Variants in VCPIP1 observed in about 807,000 individuals in gnomAD.
VCPIP1 encodes deubiquitinating protein VCPIP1.
In VCPIP1, 8 loss-of-function variants were observed where a neutral mutation model predicts 85.0. That is an observed-to-expected ratio of 0.09 (90% CI 0.06 to 0.17). The LOEUF (loss-of-function observed/expected upper bound fraction) is 0.17. Among genes scored for constraint, VCPIP1 ranks in the 10% least tolerant of loss-of-function variants. VCPIP1 has a pLI of 1.00. For missense variants in VCPIP1, 1,070 were observed against 1,486.3 expected (o/e 0.72, Z 4.61); for synonymous variants, 543 against 544.5 (o/e 1.00, Z 0.04).
In VCPIP1 at chr8:66,630,254, T is replaced by TA. The variant is rs1810821490; in HGVS notation, c.*4246dup. ...AAATAATGGGCAACAGCCAGTGCCT[T>TA]AAGGGTGAAATAACATCTATACTAT... On this transcript the variant is annotated 3_prime_UTR_variant, in exon 3 of 3. Transcript: ENST00000310421. 6.6e-6 allele frequency: 1 copy of TA among 152,226 alleles called. No homozygotes were observed. Among genetic ancestry groups the TA allele is most frequent in the South Asian group, 2.1e-4 (1 of 4,832 alleles). The allele number at this position is 152,226 out of a possible 1,614,324, so 9.4% of individuals were successfully genotyped here.
intron 2 of VCPIP1, among the ~76,000 whole-genome samples, chr8:66,640,428 A>G (rs1810935357): frequency 6.6e-6 from 1 of 152,242 alleles, no homozygotes; most frequent in Non-Finnish European, 1.5e-5. Flanking sequence ...TTGATCTCAA[A>G]TGTTCTGACT....
chr8:66,656,549 G>A (rs894919385), intron 1 of VCPIP1, among the ~76,000 whole-genome samples: 2 of 152,052 alleles, frequency 1.3e-5, no homozygotes, highest in African/African-American at 4.8e-5. Context: ...CAATTTATGA[G>A]GCAAAGCAGT....
intron 2 of VCPIP1, 132 bp downstream of exon 2, chr8:66,651,326 G>C (rs965281362): frequency 4.6e-6 from 3 of 645,988 alleles, no homozygotes; most frequent in Middle Eastern, 8.6e-4. Flanking sequence ...TTTTAATTAG[G>C]CAAACTGCTA....
rs967491606 is a variant in VCPIP1 at position 66,667,141 on chromosome 8, T to G, written c.-183A>C. The G allele has an allele frequency of 1.5e-6, 2 of 1,317,220 alleles. No homozygotes were observed. Among genetic ancestry groups the G allele is most frequent in the Non-Finnish European group, 9.9e-7 (1 of 1,008,266 alleles). 81.6% of individuals were successfully genotyped at this position (1,317,220 alleles called of 1,614,324 possible). On this transcript the variant is annotated 5_prime_UTR_variant, in exon 1 of 3. Coordinates refer to ENST00000310421, the MANE Select transcript of VCPIP1 (RefSeq NM_025054.5). ...CGGACGTTGTTTCTCTTCTTACTTCTCCACTGCCGTAGCCGTTGCCCCGAA... is the reference window on the plus strand; with the variant it reads ...CGGACGTTGTTTCTCTTCTTACTTCGCCACTGCCGTAGCCGTTGCCCCGAA...
chr8:66,657,943 C>G (rs1319632792), intron 1 of VCPIP1, among the ~76,000 whole-genome samples: 1 of 152,042 alleles, frequency 6.6e-6, no homozygotes, highest in African/African-American at 2.4e-5. Flanking sequence ...TCTTAAGATA[C>G]ACCTATGCAT....
chr8:66,644,274 C>G (rs931830939), intron 2 of VCPIP1, among the ~76,000 whole-genome samples: 1 of 152,142 alleles, frequency 6.6e-6, no homozygotes, highest in Non-Finnish European at 1.5e-5. Context: ...CCTGATTAAA[C>G]AGTCATTACA....
rs757706186 is a variant in VCPIP1, at chr8:66,666,436, C to T, written c.523G>A (p.Val175Ile). 3.7e-6 allele frequency: 6 copies of T among 1,614,188 alleles called. No individual in the cohort carries two copies. The highest frequency in any genetic ancestry group is 5.1e-6 in the Non-Finnish European group (6 of 1,180,040). ...DRAFLIEPEH[V>I]NTVGYGKDRS... Reference sequence around the variant, plus strand: ...TCCTTGCCATAGCCCACAGTGTTAACATGCTCTGGTTCTATGAGGAAGGCG... The same window carrying T: ...TCCTTGCCATAGCCCACAGTGTTAATATGCTCTGGTTCTATGAGGAAGGCG... Residue 175 changes from valine to isoleucine, a missense_variant, in exon 1 of 3, where the codon GTT becomes ATT. Coordinates refer to ENST00000310421, the MANE Select transcript of VCPIP1 (RefSeq NM_025054.5). This position sits in a 1 kb window ranked among gnomAD's most constrained non-coding sequence, Gnocchi z 6.3.
intron 2 of VCPIP1, among the ~76,000 whole-genome samples, chr8:66,638,936 T>TC (rs1810917149): frequency 7.6e-6 from 1 of 131,628 alleles, no homozygotes; most frequent in African/African-American, 3.2e-5. Flanking sequence ...CAAGAAAACT[T>TC]TCTCTCTCTC....
chr8:66,632,569 A>G lies in VCPIP1; in HGVS notation c.*1932T>C, dbSNP rs1464813002. On this transcript the variant is annotated 3_prime_UTR_variant, in exon 3 of 3. Coordinates refer to ENST00000310421, the MANE Select transcript of VCPIP1 (RefSeq NM_025054.5). ...TCTGGTATTTTATGTTAATGCTATG[A>G]GATATCTGTCAGTTATCAATGAAGA... 1 of 152,152 alleles carries G rather than the reference A, an allele frequency of 6.6e-6. No individual in the cohort carries two copies. Among genetic ancestry groups the G allele is most frequent in the Admixed American group, 6.5e-5 (1 of 15,282 alleles). The allele number at this position is 152,152 out of a possible 1,614,324, so 9.4% of individuals were successfully genotyped here.
Position 66,666,458 on chromosome 8 carries a change from G to A in VCPIP1, c.501C>T (p.Ala167=), listed in dbSNP as rs1352915997. Residue 167 remains alanine (A), a synonymous_variant, in exon 1 of 3, where the codon GCC becomes GCT. Transcript: ENST00000310421. The surrounding 1 kb of genome is among the most constrained non-coding windows in gnomAD (Gnocchi z 6.3). Reference sequence around the variant, plus strand: ...TAACATGCTCTGGTTCTATGAGGAAGGCGCGGTCACCCAGTAAGGCGCAAT... The same window carrying A: ...TAACATGCTCTGGTTCTATGAGGAAAGCGCGGTCACCCAGTAAGGCGCAAT... ...LFDCALLGDR[A]FLIEPEHVNT... 3.7e-6 allele frequency: 6 copies of A among 1,614,116 alleles called. No individual in the cohort carries two copies. The highest frequency in any genetic ancestry group is 2.7e-5 in the African/African-American group (2 of 74,950).
At chr8:66,659,582 T>A (rs563863052) in intron 1 of VCPIP1, among the ~76,000 whole-genome samples, 28 of 152,270 alleles carry the variant, frequency 1.8e-4, no homozygotes, top group Non-Finnish European at 3.5e-4. Flanking sequence ...AATATCCTAC[T>A]TAAAAATGAA....
Position 66,665,990 on chromosome 8 carries a change from T to C in VCPIP1, c.969A>G (p.Leu323=), listed in dbSNP as rs1390320915. The C allele has an allele frequency of 1.2e-6, 2 of 1,614,116 alleles. No homozygotes were observed. Among genetic ancestry groups the C allele is most frequent in the South Asian group, 2.2e-5 (2 of 91,086 alleles). The change falls in exon 1 of 3, where the codon CTA becomes CTG. Residue 323 remains leucine (L), a synonymous_variant. Transcript: ENST00000310421. This position sits in a 1 kb window ranked among gnomAD's most constrained non-coding sequence, Gnocchi z 4.3. ...ACTTCTCTGCAGGGATGAGCCCAGG[T>C]AGAAAGGTGGCTGAATAATCACCAG... The part of the protein sequence containing the change: ...RSSGDYSATF[L]PGLIPAEKCT...
chr8:66,664,711 T>C lies in VCPIP1; in HGVS notation c.2248A>G (p.Thr750Ala). The C allele has an allele frequency of 3.1e-6, 5 of 1,613,880 alleles. No homozygotes were observed. The South Asian group carries it at 4.4e-5, about 14-fold the overall frequency. ...KGQPRTVSPS[T>A]IRDGPSSAPA... The stretch of plus-strand genomic sequence containing the variant: ...GCAGAGGATGGACCATCACGAATGG[T>C]ACTGGGAGAAACAGTCCTGGGTTGC... Residue 750 changes from threonine to alanine, a missense_variant, in exon 1 of 3, where the codon ACC (threonine) becomes GCC (alanine). Physicochemically the swap from Thr to Ala is moderately conservative, Grantham distance 58. Transcript: ENST00000310421.
intron 1 of VCPIP1, among the ~76,000 whole-genome samples, chr8:66,654,769 T>C (rs1244045135): frequency 6.6e-6 from 1 of 152,180 alleles, no homozygotes; most frequent in Non-Finnish European, 1.5e-5. Context: ...TTACTGCCAC[T>C]TCCTCACAGC....
intron 1 of VCPIP1, among the ~76,000 whole-genome samples, chr8:66,660,744 T>A (rs938032440): frequency 7.2e-5 from 11 of 152,170 alleles, no homozygotes; most frequent in South Asian, 4.1e-4. Flanking sequence ...TCTTTTTTTT[T>A]AAATTAAGAA....
At chr8:66,663,967 T>C (rs1338887332) in intron 1 of VCPIP1, among the ~76,000 whole-genome samples, 1 of 152,194 alleles carries the variant, frequency 6.6e-6, no homozygotes, top group Admixed American at 6.5e-5. Context: ...TTTAAATAAA[T>C]ACAAGTCTGT....
At chr8:66,649,356 CA>C (rs1252450141) in intron 2 of VCPIP1, among the ~76,000 whole-genome samples, 7 of 151,094 alleles carry the variant, frequency 4.6e-5, no homozygotes, top group Non-Finnish European at 8.9e-5. Flanking sequence ...ACTAAAAATA[CA>C]AAAAATTAGC....
At chr8:66,659,439 A>G (rs1256981369) in intron 1 of VCPIP1, among the ~76,000 whole-genome samples, 1 of 152,152 alleles carries the variant, frequency 6.6e-6, no homozygotes, top group Non-Finnish European at 1.5e-5. Flanking sequence ...ATTATGGGTA[A>G]AATATTGTTA....
Position 66,651,323 on chromosome 8 carries a change from T to C in VCPIP1, c.2797+135A>G, listed in dbSNP as rs112222197. 2,085 of 633,992 alleles carry C rather than the reference T, an allele frequency of 3.3e-3. 34 individuals carry two copies. Among genetic ancestry groups the C allele is most frequent in the African/African-American group, 0.03 (1,614 of 54,102 alleles). The allele number at this position is 633,992 out of a possible 1,614,324, so 39.3% of individuals were successfully genotyped here. On this transcript the variant is annotated intron_variant, in intron 2 of 2. Transcript: ENST00000310421. ...TATCAGGGTAATAATTCATTTTAAT[T>C]AGGCAAACTGCTAAAAGAATATAAA...
Sources: allele counts gnomAD v4.1 joint callset (sites outside exome capture counted in the v4.1 genomes callset), GRCh38; gene constraint gnomAD v4.1.1; non-coding constraint Gnocchi (gnomAD v3.1); transcripts MANE v1.5; gene names NCBI Gene and HGNC (gene_info 2026-07-23, HGNC 2026-07-21).